Variants in NLGN4X observed in about 807,000 individuals in gnomAD.
NLGN4X encodes the protein neuroligin 4 X-linked.
A neutral mutation model predicts 40.3 loss-of-function variants in NLGN4X; 3 were observed. The observed-to-expected ratio is 0.07, with a 90% CI of 0.03 to 0.19. NLGN4X has a LOEUF of 0.19. Among genes scored for constraint, NLGN4X ranks in the 10% least tolerant of loss-of-function variants. The pLI, the probability that NLGN4X is intolerant of heterozygous loss-of-function variation, is 1.00. For synonymous variants in NLGN4X, 270 were observed against 306.8 expected, an observed-to-expected ratio of 0.88 and a Z score of 1.25; for missense variants, 382 against 708.3, an observed-to-expected ratio of 0.54 and a Z score of 5.23.
intron 3 of NLGN4X, among the ~76,000 whole-genome samples, chrX:6,016,922 T>C (rs928294507): frequency 1.8e-4 from 20 of 111,820 alleles, no homozygotes; most frequent in African/African-American, 6.5e-4. Flanking sequence ...AAGGCAAATC[T>C]ATATAGACAG....
intron 1 of NLGN4X, among the ~76,000 whole-genome samples, chrX:6,213,668 A>G (rs1924814964): frequency 8.9e-6 from 1 of 112,591 alleles, no homozygotes; most frequent in African/African-American, 3.2e-5. Flanking sequence ...ATGTCCTTTA[A>G]AAAGATTAAA....
At chrX:5,991,432 C>A (rs1383269619) in intron 3 of NLGN4X, 10 of 516,412 alleles carry the variant, frequency 1.9e-5, no homozygotes, top group Non-Finnish European at 3.5e-5. Context: ...ATCCTCATTT[C>A]TGAAAGGGGA....
intron 5 of NLGN4X, among the ~76,000 whole-genome samples, chrX:5,901,550 C>T (rs2031865962): frequency 9.0e-6 from 1 of 111,259 alleles, no homozygotes; most frequent in Non-Finnish European, 1.9e-5. Context: ...AGAGAATCCG[C>T]TCAGCAGAAT....
At position 5,903,289 on chromosome X, in the gene NLGN4X, G is replaced by A. The variant is rs1179387393; in HGVS notation, c.1389C>T (p.Tyr463=). 7 of 1,210,000 alleles carry A rather than the reference G, an allele frequency of 5.8e-6. No individual in the cohort carries two copies. The highest frequency in any genetic ancestry group is 2.2e-5 in the Admixed American group (1 of 45,874). The change falls in exon 5 of 6, where the codon TAC becomes TAT. Residue 463 remains tyrosine (Y), a synonymous_variant. Transcript: ENST00000381095. ...AVATADLHAQ[Y]GSPTYFYAFY... ...AGGCATAGAAGTAGGTGGGGGAGCC[G>A]TACTGCGCGTGCAGGTCGGCGGTGG...
At chrX:6,114,732 T>C (rs2039238469) in intron 2 of NLGN4X, among the ~76,000 whole-genome samples, 1 of 111,550 alleles carries the variant, frequency 9.0e-6, no homozygotes. Context: ...GCACAGCTAT[T>C]GGTAGTGACT....
chrX:6,048,017 T>C (rs2037372072), intron 2 of NLGN4X, among the ~76,000 whole-genome samples: 1 of 111,790 alleles, frequency 8.9e-6, no homozygotes. Context: ...GGTTCTGTTC[T>C]TGGTTCGTGG....
At chrX:6,039,794 G>C (rs2037110339) in intron 2 of NLGN4X, among the ~76,000 whole-genome samples, 1 of 112,133 alleles carries the variant, frequency 8.9e-6, no homozygotes, top group African/African-American at 3.2e-5. Context: ...ATTTTTGACT[G>C]GCTGAATGTC....
chrX:5,999,037 A>G (rs2035906261), intron 3 of NLGN4X, among the ~76,000 whole-genome samples: 1 of 111,644 alleles, frequency 9.0e-6, no homozygotes, highest in African/African-American at 3.3e-5. Flanking sequence ...ACGCACTGTC[A>G]TCTCCCTTGT....
At chrX:6,197,789 C>T (rs192813190) in intron 1 of NLGN4X, among the ~76,000 whole-genome samples, 1,564 of 108,860 alleles carry the variant, frequency 0.014, 36 homozygotes, top group African/African-American at 0.049. Context: ...TGGGGCCGGG[C>T]GTGGTGGCTC....
chrX:6,134,973 A>G (rs762066465), intron 2 of NLGN4X, among the ~76,000 whole-genome samples: 2 of 112,940 alleles, frequency 1.8e-5, no homozygotes, highest in African/African-American at 6.4e-5. Flanking sequence ...CTTAGGCTGA[A>G]GTTTGGCCAA....
chrX:6,078,906 C>T (rs1267601543), intron 2 of NLGN4X, among the ~76,000 whole-genome samples: 2 of 111,111 alleles, frequency 1.8e-5, no homozygotes, highest in African/African-American at 3.3e-5. Context: ...AGTTCCCCCA[C>T]GATGTTCTCA....
chrX:6,116,907 TTA>T (rs2039315528), intron 2 of NLGN4X, among the ~76,000 whole-genome samples: 2 of 111,497 alleles, frequency 1.8e-5, no homozygotes, highest in Admixed American at 9.5e-5. Context: ...ATTTTTCTCT[TTA>T]TGTGTGTGTT....
chrX:5,915,466 T>C (rs1216077486), intron 3 of NLGN4X, among the ~76,000 whole-genome samples: 4 of 112,347 alleles, frequency 3.6e-5, no homozygotes, highest in African/African-American at 1.3e-4. Context: ...CTGAAGATAA[T>C]TGATACATGA....
At chrX:6,021,061 C>T (rs370746736) in intron 3 of NLGN4X, among the ~76,000 whole-genome samples, 31 of 20,370 alleles carry the variant, frequency 1.5e-3, no homozygotes, top group East Asian at 5.2e-3. Context: ...TCCCTCCCTC[C>T]CTCCCTCCCT....
chrX:6,024,894 G>C (rs2036649766), intron 3 of NLGN4X, among the ~76,000 whole-genome samples: 1 of 111,732 alleles, frequency 8.9e-6, no homozygotes, highest in African/African-American at 3.3e-5. Flanking sequence ...CAGCCCTCGG[G>C]CTGCTCTGCT....
chrX:6,212,325 TA>T (rs1314214360), intron 1 of NLGN4X, among the ~76,000 whole-genome samples: 7 of 105,753 alleles, frequency 6.6e-5, no homozygotes, highest in South Asian at 4.2e-4. Context: ...TTACATGAAT[TA>T]AAAAAAAAAG....
chrX:5,941,223 GT>G (rs2033936359), intron 3 of NLGN4X, among the ~76,000 whole-genome samples: 1 of 103,277 alleles, frequency 9.7e-6, no homozygotes, highest in Non-Finnish European at 2.0e-5. Context: ...GTGTGTGTGT[GT>G]GTGTGTGTTG....
rs3045369 is a variant in NLGN4X, at chrX:6,175,655, G to GAAAAAAAAA, written c.-305-23893_-305-23885dup. Among the ~76,000 whole-genome samples the GAAAAAAAAA allele has an allele frequency of 3.4e-3, 205 of 60,983 alleles. 12 individuals are homozygous for GAAAAAAAAA. Among genetic ancestry groups the GAAAAAAAAA allele is most frequent in the African/African-American group, 0.013 (194 of 15,217 alleles). The allele number at this position is 60,983 out of a possible 115,157, so 53.0% of individuals were successfully genotyped here. A position where few individuals can be genotyped will look rare whatever the true frequency, so the allele number is the denominator to read the frequency against. On this transcript the variant is annotated intron_variant, in intron 1 of 5. Transcript: ENST00000381095. ...TCAAGTTATATCATTATCTATTACA[G>GAAAAAAAAA]AAAAAAAAAAAAAAAAAACAAGATA...
At chrX:5,951,914 T>G (rs1287701342) in intron 3 of NLGN4X, among the ~76,000 whole-genome samples, 1 of 112,157 alleles carries the variant, frequency 8.9e-6, no homozygotes, top group African/African-American at 3.2e-5. Context: ...GTATGAAGCC[T>G]TGGAGATATC....
Sources: allele counts gnomAD v4.1 joint callset (sites outside exome capture counted in the v4.1 genomes callset), GRCh38; gene constraint gnomAD v4.1.1; transcripts MANE v1.5; gene names NCBI Gene and HGNC (gene_info 2026-07-23, HGNC 2026-07-21).